The following ARL13B variants were observed in gnomAD, a reference collection of about 807,000 sequenced individuals.
The protein encoded by ARL13B is ARF like GTPase 13B.
In ARL13B, 36 loss-of-function variants were observed where a neutral mutation model predicts 56.1. That is an observed-to-expected ratio of 0.64 (90% CI 0.49 to 0.85). ARL13B has a LOEUF of 0.85. Ranked by LOEUF, ARL13B falls within the 40% of genes least tolerant of loss-of-function variation. The pLI, the probability that ARL13B is intolerant of heterozygous loss-of-function variation, is 0.00. For synonymous variants in ARL13B, 178 were observed against 171.1 expected (o/e 1.04, Z -0.32); for missense variants, 519 against 507.1 (o/e 1.02, Z -0.23).
chr3:94,014,721 A>G (rs1319192036), intron 3 of ARL13B: 1 of 1,613,078 alleles, frequency 6.2e-7, no homozygotes, highest in South Asian at 1.1e-5. Flanking sequence ...GAAGCATATC[A>G]TTTACATCTT....
Position 94,036,558 on chromosome 3 carries a change from T to C in ARL13B, c.493T>C (p.Cys165Arg), listed in dbSNP as rs2076771227. The change falls in exon 5 of 10, where the codon TGT (cysteine) becomes CGT (arginine). Residue 165 changes from cysteine to arginine, a missense_variant. Cys to Arg is a radical substitution (Grantham distance 180). Transcript: ENST00000394222. ...EHKCLCQIEPCSAISGYGKKI... is the reference protein window; with the variant it reads ...EHKCLCQIEPRSAISGYGKKI... ...AAATAAATTTCTGTTTTAGGAACCA[T>C]GTTCAGCAATCTCGGGGTATGGAAA... 5.0e-6 allele frequency: 8 copies of C among 1,614,080 alleles called. No individual in the cohort carries two copies. The highest frequency in any genetic ancestry group is 5.9e-6 in the Non-Finnish European group (7 of 1,179,992).
At chr3:93,994,497 G>C (rs184399938) in intron 1 of ARL13B, among the ~76,000 whole-genome samples, 1 of 146,836 alleles carries the variant, frequency 6.8e-6, no homozygotes, top group African/African-American at 2.5e-5. Flanking sequence ...ATAATTTATC[G>C]TATTATTAGT....
Position 94,020,724 on chromosome 3 carries a change from G to A in ARL13B, c.381-14607G>A, listed in dbSNP as rs146674428. ...TATATTGCTGAGCATTTTAAGTACC[G>A]GTGGGAAACATTTAAGAGCAAGTTT... On this transcript the variant is annotated intron_variant, in intron 3 of 9. Coordinates refer to ENST00000394222, the MANE Select transcript of ARL13B (RefSeq NM_001174150.2). 1.1e-3 allele frequency among the ~76,000 whole-genome samples: 174 copies of A among 152,186 alleles called. 1 individual carries two copies. Among genetic ancestry groups the A allele is most frequent in the African/African-American group, 3.8e-3 (159 of 41,516 alleles).
intron 1 of ARL13B, among the ~76,000 whole-genome samples, chr3:93,983,371 T>C (rs1257050110): frequency 6.6e-6 from 1 of 152,200 alleles, no homozygotes; most frequent in Non-Finnish European, 1.5e-5. Flanking sequence ...TGGGGTTTGG[T>C]ATGGCCCCAT....
chr3:94,025,947 A>G (rs187945471), intron 3 of ARL13B, among the ~76,000 whole-genome samples: 12 of 152,098 alleles, frequency 7.9e-5, no homozygotes, highest in Non-Finnish European at 1.3e-4. Flanking sequence ...GCCCAGTGTA[A>G]TTAGCTTTAA....
chr3:93,985,615 A>G (rs1710422708), intron 1 of ARL13B, among the ~76,000 whole-genome samples: 1 of 152,200 alleles, frequency 6.6e-6, no homozygotes, highest in South Asian at 2.1e-4. Flanking sequence ...ATTTAACCAA[A>G]AAGAAAGATA....
At chr3:94,040,734 G>C (rs1197441888) in intron 6 of ARL13B, among the ~76,000 whole-genome samples, 1 of 149,452 alleles carries the variant, frequency 6.7e-6, no homozygotes, top group Non-Finnish European at 1.5e-5. Flanking sequence ...TATTTGTCAA[G>C]TTTTGTTTTA....
intron 3 of ARL13B, among the ~76,000 whole-genome samples, chr3:94,029,329 TATA>T (rs1227400607): frequency 0.01 from 1,034 of 100,504 alleles, 43 homozygotes; most frequent in African/African-American, 0.049. Context: ...TATATATATA[TATA>T]TATTTATTTT....
intron 2 of ARL13B, among the ~76,000 whole-genome samples, chr3:93,999,586 G>T (rs1405212343): frequency 6.6e-6 from 1 of 152,110 alleles, no homozygotes; most frequent in South Asian, 2.1e-4. Flanking sequence ...TACTCTTTCA[G>T]TTGTTTTTAA....
At chr3:93,981,571 AG>A (rs1193127763) in intron 1 of ARL13B, among the ~76,000 whole-genome samples, 1 of 152,174 alleles carries the variant, frequency 6.6e-6, no homozygotes, top group Non-Finnish European at 1.5e-5. Context: ...AAATATAAGT[AG>A]TAAGATCAAC....
rs974006738 is a variant in ARL13B at position 94,039,402 on chromosome 3, A to G, written c.690-478A>G. On this transcript the variant is annotated intron_variant, in intron 5 of 9. Coordinates refer to ENST00000394222, the MANE Select transcript of ARL13B (RefSeq NM_001174150.2). ...GTAGTCCCAGCTACTCAGGAGGCTG[A>G]GGCAGGAGAATGGCGTGAACCCGGG... is the stretch of plus-strand genomic sequence containing the variant. Among the ~76,000 whole-genome samples the G allele has an allele frequency of 3.4e-5, 5 of 145,414 alleles. No individual in the cohort carries two copies. The Admixed American group carries it at 3.5e-4, about 10-fold the overall frequency.
At chr3:94,009,716 G>A (rs980973215) in intron 3 of ARL13B, among the ~76,000 whole-genome samples, 7 of 152,036 alleles carry the variant, frequency 4.6e-5, no homozygotes, top group South Asian at 2.1e-4. Flanking sequence ...TCAGTGGAGC[G>A]TTACCACACT....
chr3:94,039,043 C>T (rs1167381361), intron 5 of ARL13B, among the ~76,000 whole-genome samples: 1 of 152,114 alleles, frequency 6.6e-6, no homozygotes, highest in African/African-American at 2.4e-5. Context: ...ACTACTCTGT[C>T]ATATACTTCT....
At chr3:94,014,512 G>A in intron 3 of ARL13B, 4 of 1,612,006 alleles carry the variant, frequency 2.5e-6, no homozygotes, top group East Asian at 2.2e-5. Context: ...ACTATTCACT[G>A]TCATTTCAAT....
chr3:93,985,674 C>T (rs1710430124), intron 1 of ARL13B, among the ~76,000 whole-genome samples: 1 of 152,014 alleles, frequency 6.6e-6, no homozygotes, highest in African/African-American at 2.4e-5. Flanking sequence ...AATCTTTAGT[C>T]ATCATATTTC....
chr3:93,987,880 A>G (rs1280362068), intron 1 of ARL13B, among the ~76,000 whole-genome samples: 1 of 152,026 alleles, frequency 6.6e-6, no homozygotes, highest in Non-Finnish European at 1.5e-5. Context: ...TCCTGGGCTC[A>G]AGTAATTCTC....
intron 3 of ARL13B, among the ~76,000 whole-genome samples, chr3:94,006,416 C>T (rs937484824): frequency 1.3e-5 from 2 of 152,108 alleles, no homozygotes; most frequent in Non-Finnish European, 2.9e-5. Context: ...TTCTCTCTGA[C>T]TTGCAATTAA....
chr3:93,988,464 T>A (rs1006399357), intron 1 of ARL13B, among the ~76,000 whole-genome samples: 1 of 152,178 alleles, frequency 6.6e-6, no homozygotes, highest in African/African-American at 2.4e-5. Context: ...AACCAGAGAA[T>A]TATTTCACCT....
intron 3 of ARL13B, among the ~76,000 whole-genome samples, chr3:94,025,389 A>G (rs2076534767): frequency 2.0e-5 from 3 of 152,222 alleles, no homozygotes; most frequent in Admixed American, 1.3e-4. Flanking sequence ...AAAGTGAGCT[A>G]TAAAGGTTAT....
Sources: gnomAD v4.1 joint callset for allele counts (sites outside exome capture counted in the v4.1 genomes callset) on GRCh38, gnomAD v4.1.1 for gene constraint, MANE v1.5 for transcripts, NCBI Gene and HGNC (gene_info 2026-07-23, HGNC 2026-07-21) for gene names.